The following OSBPL3 variants were observed in gnomAD, a reference collection of about 807,000 sequenced individuals.
The protein encoded by OSBPL3 is oxysterol-binding protein-related protein 3.
OSBPL3 carries 65 observed loss-of-function variants against 120.1 expected under a neutral mutation model. The observed-to-expected ratio is 0.54, with a 90% CI of 0.44 to 0.67. The LOEUF (loss-of-function observed/expected upper bound fraction) is 0.67. Among genes scored for constraint, OSBPL3 ranks in the 30% least tolerant of loss-of-function variants. OSBPL3 has a pLI of 0.00. For synonymous variants in OSBPL3, 416 were observed against 402.6 expected (o/e 1.03, Z -0.40); for missense variants, 1,004 against 1,082.1 (o/e 0.93, Z 1.01).
chr7:24,839,457 T>A lies in OSBPL3; in HGVS notation c.1495+1233A>T, dbSNP rs569906635. 1.7e-4 allele frequency among the ~76,000 whole-genome samples: 26 copies of A among 152,306 alleles called. No individual in the cohort carries two copies. In the South Asian group the frequency reaches 5.2e-3, roughly 30 times the overall value. On this transcript the variant is annotated intron_variant, in intron 14 of 22. Coordinates refer to ENST00000313367, the MANE Select transcript of OSBPL3 (RefSeq NM_015550.4). ...TATCTTTCCTGCCCATCATTTCCCATCTTGGGATCAACCAGTAATAAAGGG... is the reference window on the plus strand; with the variant it reads ...TATCTTTCCTGCCCATCATTTCCCAACTTGGGATCAACCAGTAATAAAGGG...
Position 24,819,399 on chromosome 7 carries a change from A to C in OSBPL3, c.1948+776T>G, listed in dbSNP as rs910751544. Among the ~76,000 whole-genome samples the C allele has an allele frequency of 2.0e-5, 3 of 152,192 alleles. No homozygotes were observed. The highest frequency in any genetic ancestry group is 7.2e-5 in the African/African-American group (3 of 41,426). On this transcript the variant is annotated intron_variant, in intron 17 of 22. Transcript: ENST00000313367. The surrounding 1 kb of genome is among the most constrained non-coding windows in gnomAD (Gnocchi z 4.1). ...GAGAGCAGTTTTAATTTTAAACTTTAATAGCAAAGGTGAAGAAAGAAAACC... is the reference window on the plus strand; with the variant it reads ...GAGAGCAGTTTTAATTTTAAACTTTCATAGCAAAGGTGAAGAAAGAAAACC...
At position 24,923,021 on chromosome 7, in the gene OSBPL3, C is replaced by T. The variant is rs149892255; in HGVS notation, c.-149-30400G>A. Among the ~76,000 whole-genome samples the T allele has an allele frequency of 2.0e-4, 31 of 152,298 alleles. No homozygotes were observed. In the East Asian group the frequency reaches 4.8e-3, roughly 24 times the overall value. On this transcript the variant is annotated intron_variant, in intron 1 of 22. Transcript: ENST00000313367. ...CCATCAGAGATACTCTACACTATAA[C>T]CACTACATACTTCCCCGCCCCAACA... is the stretch of plus-strand genomic sequence containing the variant.
At chr7:24,861,576 T>A in intron 10 of OSBPL3, 37 bp downstream of exon 10, 13 of 1,453,922 alleles carry the variant, frequency 8.9e-6, no homozygotes, top group Non-Finnish European at 1.2e-5. Flanking sequence ...CTTAACATTT[T>A]CATCAAACAC....
In OSBPL3 at chr7:24,936,754, G is replaced by A. The variant is rs539252564; in HGVS notation, c.-150+43132C>T. Among the ~76,000 whole-genome samples the A allele has an allele frequency of 5.9e-5, 9 of 152,342 alleles. No individual in the cohort carries two copies. The highest frequency in any genetic ancestry group is 1.9e-4 in the East Asian group (1 of 5,190). ...AAGGGATATGATTCTGGAAACAATC[G>A]TGAATAACATGATAAAAGTTTGCCT... On this transcript the variant is annotated intron_variant, in intron 1 of 22. Coordinates refer to ENST00000313367, the MANE Select transcript of OSBPL3 (RefSeq NM_015550.4). The surrounding 1 kb of genome is among the most constrained non-coding windows in gnomAD (Gnocchi z 4.2).
chr7:24,885,781 C>G (rs993027558), intron 2 of OSBPL3, among the ~76,000 whole-genome samples: 19 of 152,168 alleles, frequency 1.2e-4, no homozygotes, highest in African/African-American at 4.6e-4. Flanking sequence ...TATCCCTGCT[C>G]AGGGCCTTTT....
At position 24,824,966 on chromosome 7, in the gene OSBPL3, A is replaced by C. The variant is rs765660192; in HGVS notation, c.1885-4728T>G. 1.3e-5 allele frequency among the ~76,000 whole-genome samples: 2 copies of C among 152,188 alleles called. No homozygotes were observed. Among genetic ancestry groups the C allele is most frequent in the Non-Finnish European group, 2.9e-5 (2 of 68,036 alleles). ...GAAAATGCTTGGTATGAAGCAGAAGAAGCAAGGCCAGTCTGGCAGAGCTAA... is the reference window on the plus strand; with the variant it reads ...GAAAATGCTTGGTATGAAGCAGAAGCAGCAAGGCCAGTCTGGCAGAGCTAA... On this transcript the variant is annotated intron_variant, in intron 16 of 22. Coordinates refer to ENST00000313367, the MANE Select transcript of OSBPL3 (RefSeq NM_015550.4). The surrounding 1 kb of genome is among the most constrained non-coding windows in gnomAD (Gnocchi z 4.9).
At position 24,933,744 on chromosome 7, in the gene OSBPL3, T is replaced by C; in HGVS notation, c.-149-41123A>G. 6.6e-6 allele frequency among the ~76,000 whole-genome samples: 1 copy of C among 152,358 alleles called. No homozygotes were observed. Among genetic ancestry groups the C allele is most frequent in the Middle Eastern group, 3.4e-3 (1 of 294 alleles). ...TCTCAGTTCTGATCATAAGTTGATA[T>C]TTAAATAATTAGTTATGAGAAAAGC... is the stretch of plus-strand genomic sequence containing the variant. On this transcript the variant is annotated intron_variant, in intron 1 of 22. Coordinates refer to ENST00000313367, the MANE Select transcript of OSBPL3 (RefSeq NM_015550.4). The surrounding 1 kb of genome is among the most constrained non-coding windows in gnomAD (Gnocchi z 5.1).
At chr7:24,974,064 A>G (rs1249390920) in intron 1 of OSBPL3, among the ~76,000 whole-genome samples, 1 of 152,178 alleles carries the variant, frequency 6.6e-6, no homozygotes, top group Admixed American at 6.5e-5. Flanking sequence ...TTTTTACATT[A>G]TTTTTCATAC....
chr7:24,860,762 T>C (rs1000985742), intron 10 of OSBPL3, among the ~76,000 whole-genome samples: 1 of 152,238 alleles, frequency 6.6e-6, no homozygotes, highest in African/African-American at 2.4e-5. Context: ...AATAGTTTGT[T>C]CCTTGGTATT....
chr7:24,910,956 T>C (rs971165898), intron 1 of OSBPL3, among the ~76,000 whole-genome samples: 3 of 152,172 alleles, frequency 2.0e-5, no homozygotes, highest in Non-Finnish European at 4.4e-5. Flanking sequence ...TCATACTAAC[T>C]GGTCCAGACA....
At position 24,952,687 on chromosome 7, in the gene OSBPL3, T is replaced by C. The variant is rs1487719781; in HGVS notation, c.-150+27199A>G. Among the ~76,000 whole-genome samples, 1 of 152,188 alleles carries C rather than the reference T, an allele frequency of 6.6e-6. No homozygotes were observed. The highest frequency in any genetic ancestry group is 1.5e-5 in the Non-Finnish European group (1 of 68,034). On this transcript the variant is annotated intron_variant, in intron 1 of 22. Coordinates refer to ENST00000313367, the MANE Select transcript of OSBPL3 (RefSeq NM_015550.4). The surrounding 1 kb of genome is among the most constrained non-coding windows in gnomAD (Gnocchi z 4.4). ...TCTTAACTGTGCATTACATCAACTC[T>C]ATAGAGATTATGGTAAGGTTATTTC...
intron 9 of OSBPL3, 115 bp from the exon 10 acceptor site, chr7:24,861,884 C>CA: frequency 3.3e-6 from 1 of 299,550 alleles, no homozygotes; most frequent in Non-Finnish European, 5.9e-6. Context: ...ATAGGTAGGT[C>CA]TTTTTTTTTT....
chr7:24,865,124 C>G (rs928813894), intron 7 of OSBPL3, among the ~76,000 whole-genome samples: 1 of 152,154 alleles, frequency 6.6e-6, no homozygotes, highest in Admixed American at 6.5e-5. Context: ...ACTGAAGGAA[C>G]AGAAGAAGAA....
At chr7:24,951,062 C>T (rs116812127) in intron 1 of OSBPL3, among the ~76,000 whole-genome samples, 74 of 152,226 alleles carry the variant, frequency 4.9e-4, no homozygotes, top group African/African-American at 1.6e-3. Flanking sequence ...TTCAAAACAA[C>T]GATCTCCCTC....
rs138174150 is a variant in OSBPL3 at position 24,883,287 on chromosome 7, T to C, written c.96+9090A>G. ...GTGTAGGTTTTAGAGGGATATCAGATGACACTAGGGAAGTCTTCTGTTGTG... is the reference window on the plus strand; with the variant it reads ...GTGTAGGTTTTAGAGGGATATCAGACGACACTAGGGAAGTCTTCTGTTGTG... On this transcript the variant is annotated intron_variant, in intron 2 of 22. Coordinates refer to ENST00000313367, the MANE Select transcript of OSBPL3 (RefSeq NM_015550.4). The surrounding 1 kb of genome is among the most constrained non-coding windows in gnomAD (Gnocchi z 5.4). 2.6e-5 allele frequency among the ~76,000 whole-genome samples: 4 copies of C among 152,312 alleles called. No individual in the cohort carries two copies. Among genetic ancestry groups the C allele is most frequent in the African/African-American group, 9.6e-5 (4 of 41,588 alleles).
intron 1 of OSBPL3, among the ~76,000 whole-genome samples, chr7:24,977,729 G>A (rs1432620679): frequency 3.3e-5 from 5 of 152,146 alleles, no homozygotes; most frequent in African/African-American, 4.8e-5. Context: ...GGTGACGGGC[G>A]CCTGTAGTCC....
At chr7:24,925,255 A>G (rs1440375853) in intron 1 of OSBPL3, among the ~76,000 whole-genome samples, 2 of 152,120 alleles carry the variant, frequency 1.3e-5, no homozygotes, top group East Asian at 3.9e-4. Flanking sequence ...CCAGAAGCAC[A>G]TGTAGAGGGT....
chr7:24,804,491 A>T lies in OSBPL3; in HGVS notation c.2445-54T>A, dbSNP rs572916931. On this transcript the variant is annotated intron_variant, in intron 21 of 22. Transcript: ENST00000313367. This position sits in a 1 kb window ranked among gnomAD's most constrained non-coding sequence, Gnocchi z 5.4. ...GGATATGAATTCAAGAAAACAAAAC[A>T]ATCATTACTACTCAACTTGCATGTG... 9.0e-6 allele frequency: 14 copies of T among 1,549,950 alleles called. No individual in the cohort carries two copies. The South Asian group carries it at 1.6e-4, about 18-fold the overall frequency.
At chr7:24,951,366 T>C (rs1485088544) in intron 1 of OSBPL3, among the ~76,000 whole-genome samples, 3 of 152,188 alleles carry the variant, frequency 2.0e-5, no homozygotes, top group Admixed American at 6.5e-5. Context: ...GCAGAATTTA[T>C]ATGTAACTTC....
Sources: gnomAD v4.1 joint callset for allele counts (sites outside exome capture counted in the v4.1 genomes callset) on GRCh38, gnomAD v4.1.1 for gene constraint, Gnocchi (gnomAD v3.1) non-coding constraint, MANE v1.5 for transcripts, NCBI Gene and HGNC (gene_info 2026-07-23, HGNC 2026-07-21) for gene names.